Variants in FGF10 observed in about 807,000 individuals in gnomAD.
The protein encoded by FGF10 is FGF-10.
A neutral mutation model predicts 19.8 loss-of-function variants in FGF10; 2 were observed. The ratio of observed to expected loss-of-function variants is 0.10; its 90% confidence interval spans 0.04 to 0.32. The LOEUF is 0.32. Among genes scored for constraint, FGF10 ranks in the 10% least tolerant of loss-of-function variants. The pLI is 1.00. For synonymous variants in FGF10, 112 were observed against 94.0 expected, an observed-to-expected ratio of 1.19 and a Z score of -1.10; for missense variants, 191 against 246.3, an observed-to-expected ratio of 0.78 and a Z score of 1.50.
At chr5:44,344,380 T>C (rs962443696) in intron 1 of FGF10, among the ~76,000 whole-genome samples, 2 of 151,962 alleles carry the variant, frequency 1.3e-5, no homozygotes, top group Admixed American at 6.6e-5. Flanking sequence ...TTGTATTTGT[T>C]ACTAGGGTAC....
chr5:44,337,489 G>C (rs1417697732), intron 1 of FGF10, among the ~76,000 whole-genome samples: 1 of 152,216 alleles, frequency 6.6e-6, no homozygotes, highest in Non-Finnish European at 1.5e-5. Context: ...ATTACCTTTT[G>C]ATGATAGAAC....
intron 1 of FGF10, among the ~76,000 whole-genome samples, chr5:44,351,660 C>T (rs931041543): frequency 6.6e-6 from 1 of 151,642 alleles, no homozygotes; most frequent in Non-Finnish European, 1.5e-5. Flanking sequence ...AGGAAGAAGA[C>T]TTCCAGATTA....
chr5:44,300,843 G>A lies in FGF10; in HGVS notation c.*4152C>T, dbSNP rs549251150. Among the ~76,000 whole-genome samples, 179 of 151,858 alleles carry A rather than the reference G, an allele frequency of 1.2e-3. 1 individual carries two copies. Among genetic ancestry groups the A allele is most frequent in the African/African-American group, 4.3e-3 (176 of 41,384 alleles). On this transcript the variant is annotated 3_prime_UTR_variant, in exon 3 of 3. Transcript: ENST00000264664. The stretch of plus-strand genomic sequence containing the variant: ...ATTCCCAAATCTCTTATACTGATTG[G>A]TCTAGAGGTTGGTATGTTATCCAAA...
At chr5:44,362,446 T>C (rs1375688543) in intron 1 of FGF10, among the ~76,000 whole-genome samples, 1 of 151,418 alleles carries the variant, frequency 6.6e-6, no homozygotes, top group East Asian at 2.0e-4. Context: ...GTTACAATTT[T>C]TGATAAAATT....
intron 1 of FGF10, among the ~76,000 whole-genome samples, chr5:44,369,689 A>G (rs565433366): frequency 6.6e-6 from 1 of 152,244 alleles, no homozygotes; most frequent in African/African-American, 2.4e-5. Context: ...CTGAAAACTG[A>G]CCTAATCTCA....
chr5:44,383,658 A>G (rs1239128000), intron 1 of FGF10, among the ~76,000 whole-genome samples: 1 of 152,124 alleles, frequency 6.6e-6, no homozygotes, highest in African/African-American at 2.4e-5. Flanking sequence ...TAAATCCATC[A>G]AAGTGGAGGG....
chr5:44,334,062 C>T (rs1740794273), intron 1 of FGF10, among the ~76,000 whole-genome samples: 1 of 151,986 alleles, frequency 6.6e-6, no homozygotes, highest in Non-Finnish European at 1.5e-5. Context: ...TCTTTTGCTG[C>T]TACAACTAGG....
In FGF10 at chr5:44,381,470, TA is replaced by T. The variant is rs200345651; in HGVS notation, c.325+6887del. 1.4e-3 allele frequency among the ~76,000 whole-genome samples: 186 copies of T among 136,994 alleles called. 3 individuals are homozygous for T. Among genetic ancestry groups the T allele is most frequent in the Middle Eastern group, 7.0e-3 (2 of 286 alleles). The allele number at this position is 136,994 out of a possible 152,430, so 89.9% of individuals were successfully genotyped here. On this transcript the variant is annotated intron_variant, in intron 1 of 2. Transcript: ENST00000264664. Reference sequence around the variant, plus strand: ...CAGTTCAGAAACCAGATAAAAGTAATAAAAAAAAAAACACACACAAAACCAA... The same window carrying T: ...CAGTTCAGAAACCAGATAAAAGTAATAAAAAAAAAACACACACAAAACCAA...
intron 1 of FGF10, among the ~76,000 whole-genome samples, chr5:44,329,322 G>T (rs1740680482): frequency 1.3e-5 from 2 of 152,026 alleles, no homozygotes; most frequent in Non-Finnish European, 2.9e-5. Flanking sequence ...GATTACAGGT[G>T]CATGCCACCA....
At position 44,303,925 on chromosome 5, in the gene FGF10, G is replaced by A. The variant is rs946829829; in HGVS notation, c.*1070C>T. ...CATGACATTTGGCAAGAAATCATGA[G>A]TAAATAATGAGGCTAGGCTATTTAA... is the stretch of plus-strand genomic sequence containing the variant. On this transcript the variant is annotated 3_prime_UTR_variant, in exon 3 of 3. Coordinates refer to ENST00000264664, the MANE Select transcript of FGF10 (RefSeq NM_004465.2). 1.3e-5 allele frequency: 2 copies of A among 152,164 alleles called. No homozygotes were observed. Among genetic ancestry groups the A allele is most frequent in the Non-Finnish European group, 2.9e-5 (2 of 68,030 alleles). 9.4% of individuals were successfully genotyped at this position (152,164 alleles called of 1,614,324 possible). A position where few individuals can be genotyped will look rare whatever the true frequency, so the allele number is the denominator to read the frequency against.
At chr5:44,351,796 T>A (rs981293897) in intron 1 of FGF10, among the ~76,000 whole-genome samples, 5 of 151,834 alleles carry the variant, frequency 3.3e-5, no homozygotes, top group African/African-American at 1.2e-4. Flanking sequence ...TATGATTCAG[T>A]GTAATAATTT....
At chr5:44,310,295 T>A in intron 2 of FGF10, 132 bp downstream of exon 2, 1 of 680,376 alleles carries the variant, frequency 1.5e-6, no homozygotes, top group South Asian at 1.5e-5. Flanking sequence ...GAAACAGTGG[T>A]GACTAACCCA....
At chr5:44,308,684 C>T (rs1185747829) in intron 2 of FGF10, among the ~76,000 whole-genome samples, 1 of 152,028 alleles carries the variant, frequency 6.6e-6, no homozygotes. Flanking sequence ...ATTCCTCTGA[C>T]CCCCATGCAA....
At chr5:44,316,188 T>C (rs1740345331) in intron 1 of FGF10, among the ~76,000 whole-genome samples, 1 of 152,122 alleles carries the variant, frequency 6.6e-6, no homozygotes, top group South Asian at 2.1e-4. Context: ...TAATACCTGA[T>C]AATCTGGGGT....
intron 1 of FGF10, among the ~76,000 whole-genome samples, chr5:44,366,087 T>C (rs1213252498): frequency 2.6e-5 from 4 of 151,052 alleles, no homozygotes; most frequent in Non-Finnish European, 5.9e-5. Context: ...GCCAATCCAA[T>C]GTTAAAAGTT....
intron 1 of FGF10, among the ~76,000 whole-genome samples, chr5:44,386,721 T>C (rs927317667): frequency 1.3e-5 from 2 of 152,138 alleles, no homozygotes; most frequent in African/African-American, 2.4e-5. Context: ...AAACATAAAA[T>C]GAAACACTTT....
chr5:44,329,703 TG>T (rs888531082), intron 1 of FGF10, among the ~76,000 whole-genome samples: 1 of 152,200 alleles, frequency 6.6e-6, no homozygotes, highest in Non-Finnish European at 1.5e-5. Flanking sequence ...TAAGTGGTTT[TG>T]GCAAAATTAC....
intron 1 of FGF10, among the ~76,000 whole-genome samples, chr5:44,313,909 T>G (rs1221498343): frequency 6.6e-6 from 1 of 152,140 alleles, no homozygotes; most frequent in Non-Finnish European, 1.5e-5. Context: ...GCTTTTCTAT[T>G]GATAAGTCTA....
At chr5:44,349,445 T>TC (rs1261313112) in intron 1 of FGF10, among the ~76,000 whole-genome samples, 6 of 13,844 alleles carry the variant, frequency 4.3e-4, no homozygotes, top group South Asian at 1.9e-3. Flanking sequence ...TATATATATA[T>TC]ATATATATAT....
Sources: allele counts gnomAD v4.1 joint callset (sites outside exome capture counted in the v4.1 genomes callset), GRCh38; gene constraint gnomAD v4.1.1; transcripts MANE v1.5; gene names NCBI Gene and HGNC (gene_info 2026-07-23, HGNC 2026-07-21).